The following MCPH1 variants were observed in gnomAD, a reference collection of about 807,000 sequenced individuals.
MCPH1 encodes the protein microcephalin 1.
MCPH1 carries 104 observed loss-of-function variants against 84.5 expected under a neutral mutation model. That is an observed-to-expected ratio of 1.23 (90% CI 1.05 to 1.45). The LOEUF (loss-of-function observed/expected upper bound fraction) is 1.45, where lower values mean the gene tolerates loss of function less well. MCPH1 is among the 40% of genes most tolerant of loss of function. The pLI is 0.00. For synonymous variants in MCPH1, 514 were observed against 366.8 expected, an observed-to-expected ratio of 1.40 and a Z score of -4.58; for missense variants, 1,498 against 1,005.7, an observed-to-expected ratio of 1.49 and a Z score of -6.62.
intron 12 of MCPH1, chr8:6,508,829 G>A: frequency 6.7e-7 from 1 of 1,496,118 alleles, no homozygotes; most frequent in Non-Finnish European, 9.3e-7. Context: ...ATGAAATTGT[G>A]GACATCGTTA....
chr8:6,618,917 T>G (rs1831125703), intron 12 of MCPH1: 1 of 152,178 alleles, frequency 6.6e-6, no homozygotes, highest in African/African-American at 2.4e-5. Flanking sequence ...CCGTGGCCTC[T>G]GGGGGCTTCA....
At chr8:6,575,371 C>T (rs552439279) in intron 12 of MCPH1, among the ~76,000 whole-genome samples, 3 of 152,250 alleles carry the variant, frequency 2.0e-5, no homozygotes, top group East Asian at 3.9e-4. Flanking sequence ...CCCTTGGCCA[C>T]GGTTTCACAG....
At chr8:6,407,160 T>C (rs1797848978) in intron 1 of MCPH1, 2 of 228,874 alleles carry the variant, frequency 8.7e-6, no homozygotes, top group South Asian at 1.1e-4. Flanking sequence ...GAAGTTGGTG[T>C]GGGGCCCTCC....
At chr8:6,583,743 C>G (rs1345271061) in intron 12 of MCPH1, among the ~76,000 whole-genome samples, 1 of 151,144 alleles carries the variant, frequency 6.6e-6, no homozygotes, top group African/African-American at 2.4e-5. Flanking sequence ...GCAGGTTATT[C>G]TGTGGCAAAG....
chr8:6,613,522 T>C (rs1386753471), intron 12 of MCPH1, among the ~76,000 whole-genome samples: 1 of 149,522 alleles, frequency 6.7e-6, no homozygotes, highest in African/African-American at 2.5e-5. Flanking sequence ...TCGCATCCGC[T>C]GGGCAGGGGC....
At chr8:6,594,578 C>T (rs1321610476) in intron 12 of MCPH1, among the ~76,000 whole-genome samples, 4 of 152,222 alleles carry the variant, frequency 2.6e-5, no homozygotes, top group Non-Finnish European at 5.9e-5. Context: ...GTCCTGGGCA[C>T]AGAGCCTGCT....
intron 12 of MCPH1, among the ~76,000 whole-genome samples, chr8:6,554,502 G>C (rs1213064986): frequency 6.6e-6 from 1 of 151,906 alleles, no homozygotes; most frequent in Non-Finnish European, 1.5e-5. Flanking sequence ...TCTTTAAAAA[G>C]CTCCATTGTC....
At chr8:6,603,364 C>G (rs1265625264) in intron 12 of MCPH1, among the ~76,000 whole-genome samples, 1 of 152,040 alleles carries the variant, frequency 6.6e-6, no homozygotes, top group African/African-American at 2.4e-5. Flanking sequence ...GACGGAAGTA[C>G]TCTATATTTT....
chr8:6,594,265 G>C (rs1325377677), intron 12 of MCPH1, among the ~76,000 whole-genome samples: 1 of 152,186 alleles, frequency 6.6e-6, no homozygotes, highest in Non-Finnish European at 1.5e-5. Context: ...CTTTGTGTTA[G>C]GAATGTTCAG....
At position 6,455,118 on chromosome 8, in the gene MCPH1, A is replaced by G. The variant is rs980558147; in HGVS notation, c.1826-25A>G. The G allele has an allele frequency of 3.8e-6, 6 of 1,570,480 alleles. No homozygotes were observed. The African/African-American group carries it at 6.8e-5, about 18-fold the overall frequency. On this transcript the variant is annotated intron_variant, in intron 8 of 13. Transcript: ENST00000344683. ...ATTTGGTCCATGTAAAGTTCTAACT[A>G]ATTTTTAATCCCCTTGGGTTTTAGG...
intron 2 of MCPH1, among the ~76,000 whole-genome samples, chr8:6,413,659 T>G (rs913345597): frequency 6.6e-6 from 1 of 151,992 alleles, no homozygotes; most frequent in Non-Finnish European, 1.5e-5. Flanking sequence ...CTGTAGAAAA[T>G]TTTTTTACTT....
intron 12 of MCPH1, among the ~76,000 whole-genome samples, chr8:6,604,419 C>G (rs1346852276): frequency 1.3e-5 from 2 of 152,238 alleles, no homozygotes; most frequent in African/African-American, 4.8e-5. Flanking sequence ...TAAACATTCC[C>G]TAACAAACCT....
intron 11 of MCPH1, among the ~76,000 whole-genome samples, chr8:6,492,126 T>C (rs1478643529): frequency 1.3e-5 from 2 of 152,212 alleles, no homozygotes; most frequent in Non-Finnish European, 2.9e-5. Context: ...CTCCACATCC[T>C]CTCCAGCACC....
chr8:6,531,320 A>C (rs1360797444), intron 12 of MCPH1, among the ~76,000 whole-genome samples: 1 of 137,958 alleles, frequency 7.2e-6, no homozygotes, highest in African/African-American at 2.7e-5. Flanking sequence ...TTGAAGTCTC[A>C]CTCTGTTGCC....
chr8:6,504,365 G>A (rs190780362), intron 12 of MCPH1, among the ~76,000 whole-genome samples: 27 of 148,748 alleles, frequency 1.8e-4, no homozygotes, highest in African/African-American at 5.4e-4. Context: ...ATTGCATGCC[G>A]TTCTGAGTAA....
rs780629078 is a variant in MCPH1, at chr8:6,527,706, A to G, written c.2214+27777A>G. The G allele has an allele frequency of 5.1e-6, 8 of 1,562,884 alleles. No homozygotes were observed. The South Asian group carries it at 8.5e-5, about 17-fold the overall frequency. ...ATGTAACAAAATGAAGTTCCTATTA[A>G]TTATTTTTTAATTAGTTTAACTTTC... On this transcript the variant is annotated intron_variant, in intron 12 of 13. Coordinates refer to ENST00000344683, the MANE Select transcript of MCPH1 (RefSeq NM_024596.5).
At chr8:6,626,874 G>A (rs1345375694) in intron 13 of MCPH1, 1 of 985,080 alleles carries the variant, frequency 1.0e-6, no homozygotes, top group Non-Finnish European at 1.2e-6. Flanking sequence ...CTTTCTCATA[G>A]GCGTATTTCC....
Position 6,455,329 on chromosome 8 carries a change from T to G in MCPH1, c.1935+77T>G, listed in dbSNP as rs565134465. 3.9e-6 allele frequency: 4 copies of G among 1,017,758 alleles called. No individual in the cohort carries two copies. The African/African-American group carries it at 6.3e-5, about 16-fold the overall frequency. 63.0% of individuals were successfully genotyped at this position (1,017,758 alleles called of 1,614,324 possible). The stretch of plus-strand genomic sequence containing the variant: ...TGTTCTTCTCTGGGTCAATGAAACA[T>G]AAACCAGTCTATCTGACTTGTCTTT... On this transcript the variant is annotated intron_variant, in intron 9 of 13. Coordinates refer to ENST00000344683, the MANE Select transcript of MCPH1 (RefSeq NM_024596.5).
chr8:6,446,831 G>C (rs1329596480), intron 8 of MCPH1: 15 of 985,234 alleles, frequency 1.5e-5, no homozygotes, highest in African/African-American at 1.7e-5. Context: ...GTGTTGCTGG[G>C]AGTGTGCTAG....
Sources: allele counts gnomAD v4.1 joint callset (sites outside exome capture counted in the v4.1 genomes callset), GRCh38; gene constraint gnomAD v4.1.1; transcripts MANE v1.5; gene names NCBI Gene and HGNC (gene_info 2026-07-23, HGNC 2026-07-21).